The following SLC44A5 variants were observed in gnomAD, a reference collection of about 807,000 sequenced individuals.
SLC44A5 encodes solute carrier family 44 member 5.
SLC44A5 carries 57 observed loss-of-function variants against 101.8 expected under a neutral mutation model. That is an observed-to-expected ratio of 0.56 (90% CI 0.45 to 0.70). The LOEUF is 0.70. Among genes scored for constraint, SLC44A5 ranks in the 30% least tolerant of loss-of-function variants. The pLI, the probability that SLC44A5 is intolerant of heterozygous loss-of-function variation, is 0.00. For missense variants in SLC44A5, 737 were observed against 853.1 expected (o/e 0.86, Z 1.70); for synonymous variants, 281 against 290.9 (o/e 0.97, Z 0.35).
chr1:75,701,063 A>C, the SLC44A5 span, among the ~76,000 whole-genome samples: 1 of 152,200 alleles, frequency 6.6e-6, no homozygotes, highest in Non-Finnish European at 1.5e-5. Context: ...TTCACAGCCA[A>C]ATTCTACCAG....
intron 6 of SLC44A5, among the ~76,000 whole-genome samples, chr1:75,263,145 T>A (rs1650680112): frequency 6.6e-6 from 1 of 151,964 alleles, no homozygotes; most frequent in Non-Finnish European, 1.5e-5. Context: ...CTAATTAAAC[T>A]AAAGAACTTT....
chr1:75,459,151 A>T (rs1218866101), intron 2 of SLC44A5, among the ~76,000 whole-genome samples: 1 of 152,198 alleles, frequency 6.6e-6, no homozygotes, highest in Non-Finnish European at 1.5e-5. Context: ...CCAGATGAAG[A>T]TTCAAGAGTC....
chr1:75,502,374 T>C (rs1669006936), intron 2 of SLC44A5, among the ~76,000 whole-genome samples: 1 of 152,198 alleles, frequency 6.6e-6, no homozygotes, highest in South Asian at 2.1e-4. Context: ...TTTTTGCCTG[T>C]ATATCTGGCA....
At chr1:75,368,943 A>C (rs1398043203) in intron 3 of SLC44A5, among the ~76,000 whole-genome samples, 3 of 152,148 alleles carry the variant, frequency 2.0e-5, no homozygotes, top group Non-Finnish European at 2.9e-5. Context: ...GCAGGTATAC[A>C]TCTCTCTTAT....
At chr1:75,315,746 A>C (rs1655639005) in intron 4 of SLC44A5, among the ~76,000 whole-genome samples, 1 of 152,128 alleles carries the variant, frequency 6.6e-6, no homozygotes, top group African/African-American at 2.4e-5. Flanking sequence ...TTAAATTTTC[A>C]AATGTTCCAA....
intron 2 of SLC44A5, among the ~76,000 whole-genome samples, chr1:75,481,514 G>A (rs977693178): frequency 2.6e-5 from 4 of 151,960 alleles, no homozygotes; most frequent in Admixed American, 1.3e-4. Context: ...ATCTGACAAA[G>A]GGCTAATATC....
the SLC44A5 span, among the ~76,000 whole-genome samples, chr1:75,681,165 C>T: frequency 6.6e-6 from 1 of 152,066 alleles, no homozygotes; most frequent in Non-Finnish European, 1.5e-5. Flanking sequence ...GGATTCACAG[C>T]CGAATTCTAC....
the SLC44A5 span, among the ~76,000 whole-genome samples, chr1:75,633,985 G>C: frequency 1.3e-5 from 2 of 151,920 alleles, no homozygotes; most frequent in African/African-American, 4.8e-5. Flanking sequence ...TAATCATGTG[G>C]TTTTTGTCTT....
chr1:75,478,593 G>T (rs1667599484), intron 2 of SLC44A5, among the ~76,000 whole-genome samples: 1 of 151,928 alleles, frequency 6.6e-6, no homozygotes, highest in East Asian at 1.9e-4. Context: ...AAAGGCAGGG[G>T]TTGCAATCCT....
chr1:75,504,434 T>C (rs917967668), intron 2 of SLC44A5, among the ~76,000 whole-genome samples: 2 of 152,108 alleles, frequency 1.3e-5, no homozygotes, highest in Non-Finnish European at 2.9e-5. Flanking sequence ...CATATAATGA[T>C]GTGTATATTT....
chr1:75,464,389 G>A (rs2347216), intron 2 of SLC44A5, among the ~76,000 whole-genome samples: 26,118 of 151,470 alleles, frequency 0.17, 3,781 homozygotes, highest in East Asian at 0.8. Context: ...CAAGCCTCAT[G>A]GTAACCTCAA....
At chr1:75,364,655 G>A (rs1659730706) in intron 3 of SLC44A5, among the ~76,000 whole-genome samples, 1 of 152,108 alleles carries the variant, frequency 6.6e-6, no homozygotes, top group South Asian at 2.1e-4. Context: ...TCACTCAATA[G>A]TTCCTTAAAA....
At chr1:75,657,885 T>C in the SLC44A5 span, among the ~76,000 whole-genome samples, 264 of 152,294 alleles carry the variant, frequency 1.7e-3, 1 homozygote, top group African/African-American at 5.8e-3. Context: ...TTAGTAGCAA[T>C]AGACAGGTCA....
intron 2 of SLC44A5, among the ~76,000 whole-genome samples, chr1:75,517,789 G>GTT (rs1669916400): frequency 6.6e-6 from 1 of 152,196 alleles, no homozygotes; most frequent in African/African-American, 2.4e-5. Flanking sequence ...GCATCTCTAA[G>GTT]AGTTTTCAAC....
intron 5 of SLC44A5, among the ~76,000 whole-genome samples, chr1:75,284,471 TTCC>T (rs1340018894): frequency 1.3e-5 from 2 of 152,158 alleles, no homozygotes; most frequent in East Asian, 1.9e-4. Flanking sequence ...ACAGTTTGAC[TTCC>T]TCTTTACTGA....
chr1:75,470,623 A>G (rs558572763), intron 2 of SLC44A5, among the ~76,000 whole-genome samples: 3 of 152,294 alleles, frequency 2.0e-5, no homozygotes, highest in Admixed American at 2.0e-4. Context: ...AGCTTCCTGA[A>G]GAAAGTGAAG....
intron 2 of SLC44A5, among the ~76,000 whole-genome samples, chr1:75,505,018 T>G (rs1669170770): frequency 6.6e-6 from 1 of 152,046 alleles, no homozygotes; most frequent in Non-Finnish European, 1.5e-5. Context: ...TCTCTAGTAG[T>G]CTTCAGTGTC....
the SLC44A5 span, among the ~76,000 whole-genome samples, chr1:75,629,122 G>C: frequency 3.3e-5 from 5 of 152,146 alleles, no homozygotes; most frequent in East Asian, 9.6e-4. Context: ...ATTAGGACAA[G>C]AGTCTCTAAG....
intron 3 of SLC44A5, among the ~76,000 whole-genome samples, chr1:75,356,805 T>C (rs1033327907): frequency 1.9e-4 from 29 of 152,318 alleles, no homozygotes; most frequent in Non-Finnish European, 4.3e-4. Context: ...CTGTACCTTT[T>C]CTATATTTAG....
Sources: allele counts gnomAD v4.1 joint callset (sites outside exome capture counted in the v4.1 genomes callset), GRCh38; gene constraint gnomAD v4.1.1; transcripts MANE v1.5; gene names NCBI Gene and HGNC (gene_info 2026-07-23, HGNC 2026-07-21).